Variants in AK5 observed in about 807,000 individuals in gnomAD.
AK5 encodes adenylate kinase isoenzyme 5.
In AK5, 27 loss-of-function variants were observed where a neutral mutation model predicts 69.5. The observed-to-expected ratio is 0.39, with a 90% CI of 0.29 to 0.54. AK5 has a LOEUF of 0.54. AK5 is among the 20% of genes least tolerant of loss of function. The pLI, the probability that AK5 is intolerant of heterozygous loss-of-function variation, is 0.71. For missense variants in AK5, 531 were observed against 700.4 expected, an observed-to-expected ratio of 0.76 and a Z score of 2.73; for synonymous variants, 260 against 244.4, an observed-to-expected ratio of 1.06 and a Z score of -0.60.
At chr1:77,475,387 TG>T (rs1472822697) in intron 8 of AK5, among the ~76,000 whole-genome samples, 9 of 18,228 alleles carry the variant, frequency 4.9e-4, no homozygotes, top group Non-Finnish European at 8.8e-4. Flanking sequence ...ATTATATATA[TG>T]TATATATATA....
At chr1:77,314,265 G>T in intron 5 of AK5, 1 of 182,818 alleles carries the variant, frequency 5.5e-6, no homozygotes, top group Admixed American at 5.6e-5. Flanking sequence ...GGCTAAGCAG[G>T]TCCTGAGGCT....
chr1:77,534,485 C>T lies in AK5; in HGVS notation c.1429-1362C>T, dbSNP rs1166705378. On this transcript the variant is annotated intron_variant, in intron 12 of 13. Transcript: ENST00000354567. ...ACCTAAGCCTCATAGAGGAAATAAGCGTAACAGTGAATCGTTAGTGAGTGT... is the reference window on the plus strand; with the variant it reads ...ACCTAAGCCTCATAGAGGAAATAAGTGTAACAGTGAATCGTTAGTGAGTGT... Among the ~76,000 whole-genome samples the T allele has an allele frequency of 2.6e-5, 4 of 152,162 alleles. No homozygotes were observed. The South Asian group carries it at 8.3e-4, about 32-fold the overall frequency.
At chr1:77,515,738 G>A (rs1005009449) in intron 10 of AK5, among the ~76,000 whole-genome samples, 13 of 152,140 alleles carry the variant, frequency 8.5e-5, no homozygotes, top group African/African-American at 3.1e-4. Context: ...GGCTGAGGAC[G>A]ACCTTGATCA....
At chr1:77,343,208 T>C (rs959559404) in intron 6 of AK5, among the ~76,000 whole-genome samples, 4 of 152,280 alleles carry the variant, frequency 2.6e-5, no homozygotes, top group Admixed American at 6.5e-5. Context: ...CTGTGGTGAA[T>C]AAAATAGACT....
intron 5 of AK5, chr1:77,314,139 G>A (rs1191853707): frequency 3.1e-6 from 1 of 322,426 alleles, no homozygotes; most frequent in Non-Finnish European, 6.0e-6. Flanking sequence ...CTTATGATAT[G>A]AATTGAAGAG....
At chr1:77,453,027 A>C (rs1653253955) in intron 8 of AK5, among the ~76,000 whole-genome samples, 1 of 152,244 alleles carries the variant, frequency 6.6e-6, no homozygotes, top group South Asian at 2.1e-4. Context: ...GATATAACAA[A>C]CATCATTTAT....
At chr1:77,465,969 G>T (rs144226571) in intron 8 of AK5, among the ~76,000 whole-genome samples, 1 of 152,274 alleles carries the variant, frequency 6.6e-6, no homozygotes, top group African/African-American at 2.4e-5. Flanking sequence ...AATCTAGAGT[G>T]ATCTTTTTTA....
At chr1:77,400,518 C>G (rs1270532172) in intron 6 of AK5, among the ~76,000 whole-genome samples, 1 of 152,084 alleles carries the variant, frequency 6.6e-6, no homozygotes, top group African/African-American at 2.4e-5. Context: ...ACCTGGTGCT[C>G]CTGTTGTTGA....
chr1:77,512,714 C>T (rs1448187702), intron 10 of AK5, among the ~76,000 whole-genome samples: 3 of 152,006 alleles, frequency 2.0e-5, no homozygotes, highest in Non-Finnish European at 2.9e-5. Context: ...CACATGCACA[C>T]GTATGTTTAT....
At chr1:77,451,918 A>G (rs1009142861) in intron 8 of AK5, among the ~76,000 whole-genome samples, 2 of 152,176 alleles carry the variant, frequency 1.3e-5, no homozygotes, top group Non-Finnish European at 2.9e-5. Context: ...GAACAATCAC[A>G]TGTTTCTACC....
rs533384443 is a variant in AK5, at chr1:77,510,814, T to C, written c.1148-7750T>C. ...CCATGACGAGCAAAGCAGACCCAGATCCCATACTCAGATACCATAGAGCCT... is the reference window on the plus strand; with the variant it reads ...CCATGACGAGCAAAGCAGACCCAGACCCCATACTCAGATACCATAGAGCCT... On this transcript the variant is annotated intron_variant, in intron 10 of 13. Transcript: ENST00000354567. Among the ~76,000 whole-genome samples, 3 of 152,036 alleles carry C rather than the reference T, an allele frequency of 2.0e-5. No homozygotes were observed. In the East Asian group the frequency reaches 5.8e-4, roughly 29 times the overall value.
At chr1:77,431,553 G>T (rs72681639) in intron 8 of AK5, among the ~76,000 whole-genome samples, 16,569 of 152,162 alleles carry the variant, frequency 0.11, 1,018 homozygotes, top group South Asian at 0.17. Context: ...AAGGAAGTGG[G>T]TAGAGAACAA....
intron 8 of AK5, among the ~76,000 whole-genome samples, chr1:77,428,657 G>T (rs1266817301): frequency 2.0e-5 from 3 of 152,144 alleles, no homozygotes; most frequent in Non-Finnish European, 4.4e-5. Flanking sequence ...CAACGTGCAG[G>T]TTAGTTACGT....
At chr1:77,394,142 G>A (rs1228623709) in intron 6 of AK5, among the ~76,000 whole-genome samples, 1 of 151,510 alleles carries the variant, frequency 6.6e-6, no homozygotes, top group Non-Finnish European at 1.5e-5. Context: ...GTGAACCCGG[G>A]AGGCAGAGCT....
chr1:77,382,050 G>A (rs1014804295), intron 6 of AK5, among the ~76,000 whole-genome samples: 1 of 152,058 alleles, frequency 6.6e-6, no homozygotes, highest in Non-Finnish European at 1.5e-5. Context: ...GGAGATCTCG[G>A]ACAACCATTT....
At chr1:77,333,287 G>A (rs76997894) in intron 5 of AK5, among the ~76,000 whole-genome samples, 6,656 of 152,118 alleles carry the variant, frequency 0.044, 209 homozygotes, top group South Asian at 0.094. Context: ...GCTTTGTGCC[G>A]GTGTGGCACA....
chr1:77,490,880 C>A (rs1269828220), intron 10 of AK5, among the ~76,000 whole-genome samples: 2 of 151,562 alleles, frequency 1.3e-5, no homozygotes, highest in African/African-American at 4.9e-5. Context: ...CCTGCCTATG[C>A]CCAAAATGTG....
chr1:77,529,363 T>TCAC lies in AK5; in HGVS notation c.1429-6484_1429-6483insCAC, dbSNP rs1658454003. 2.0e-5 allele frequency among the ~76,000 whole-genome samples: 3 copies of TCAC among 150,984 alleles called. No homozygotes were observed. The East Asian group carries it at 5.8e-4, about 29-fold the overall frequency. ...TTTTTTTTTTTTTTGAGACGGAGTCTTGCTCTGTCCCACAGGCTGGAGTGC... is the reference window on the plus strand; with the variant it reads ...TTTTTTTTTTTTTTGAGACGGAGTCTCACTGCTCTGTCCCACAGGCTGGAGTGC... On this transcript the variant is annotated intron_variant, in intron 12 of 13. Coordinates refer to ENST00000354567, the MANE Select transcript of AK5 (RefSeq NM_174858.3).
At chr1:77,442,963 C>A (rs147349520) in intron 8 of AK5, among the ~76,000 whole-genome samples, 165 of 151,512 alleles carry the variant, frequency 1.1e-3, no homozygotes, top group Non-Finnish European at 1.9e-3. Context: ...GCATGAGAAC[C>A]CTTCCTTCAT....
Sources: gnomAD v4.1 joint callset for allele counts (sites outside exome capture counted in the v4.1 genomes callset) on GRCh38, gnomAD v4.1.1 for gene constraint, MANE v1.5 for transcripts, NCBI Gene and HGNC (gene_info 2026-07-23, HGNC 2026-07-21) for gene names.